WDR4: variants seen among roughly 807,000 people sequenced by gnomAD.
WDR4 encodes the protein tRNA (guanine-N(7)-)-methyltransferase non-catalytic subunit WDR4.
WDR4 carries 47 observed loss-of-function variants against 48.6 expected under a neutral mutation model. That is an observed-to-expected ratio of 0.97 (90% CI 0.77 to 1.23). The LOEUF is 1.23. Ranked by LOEUF, WDR4 falls within the 50% of genes most tolerant of loss-of-function variation. The pLI is 0.00. For synonymous variants in WDR4, 268 were observed against 230.0 expected (o/e 1.17, Z -1.49); for missense variants, 606 against 551.6 (o/e 1.10, Z -0.99).
intron 3 of WDR4, among the ~76,000 whole-genome samples, chr21:42,869,948 G>A (rs2058333164): frequency 6.6e-6 from 1 of 151,882 alleles, no homozygotes; most frequent in African/African-American, 2.4e-5. Flanking sequence ...AGGAGGCGGA[G>A]GTTGCAGTGA....
intron 2 of WDR4, among the ~76,000 whole-genome samples, chr21:42,874,295 T>G (rs2058438089): frequency 6.6e-6 from 1 of 152,248 alleles, no homozygotes; most frequent in African/African-American, 2.4e-5. Flanking sequence ...CCTATGCCTG[T>G]CTTTACTTTA....
intron 2 of WDR4, among the ~76,000 whole-genome samples, chr21:42,874,145 A>C (rs1003317813): frequency 1.3e-5 from 2 of 152,214 alleles, no homozygotes; most frequent in Non-Finnish European, 2.9e-5. Context: ...GTGGATTGTG[A>C]AGATTTCATG....
chr21:42,862,603 C>T lies in WDR4; in HGVS notation c.454-209G>A, dbSNP rs1336465647. Among the ~76,000 whole-genome samples, 1 of 152,190 alleles carries T rather than the reference C, an allele frequency of 6.6e-6. No homozygotes were observed. Among genetic ancestry groups the T allele is most frequent in the Non-Finnish European group, 1.5e-5 (1 of 68,016 alleles). On this transcript the variant is annotated intron_variant, in intron 4 of 10. Coordinates refer to ENST00000398208, the MANE Select transcript of WDR4 (RefSeq NM_018669.6). The surrounding 1 kb of genome is among the most constrained non-coding windows in gnomAD (Gnocchi z 4.3). ...CTCCCCAGAGGGTCCCTGGCCACCT[C>T]TAGCCCTCACTCCTCAGTGCTAGAG...
rs1321609845 is a variant in WDR4, at chr21:42,862,092, G to C, written c.566+190C>G. On this transcript the variant is annotated intron_variant, in intron 5 of 10. Transcript: ENST00000398208. The surrounding 1 kb of genome is among the most constrained non-coding windows in gnomAD (Gnocchi z 4.3). Reference sequence around the variant, plus strand: ...GGCACAGACTCCGGGTAACAGCGCAGAGTGAACCCCACCCTTTCAGGGCTT... The same window carrying C: ...GGCACAGACTCCGGGTAACAGCGCACAGTGAACCCCACCCTTTCAGGGCTT... 1.3e-5 allele frequency among the ~76,000 whole-genome samples: 2 copies of C among 152,202 alleles called. No individual in the cohort carries two copies. Among genetic ancestry groups the C allele is most frequent in the African/African-American group, 4.8e-5 (2 of 41,456 alleles).
chr21:42,853,370 C>A (rs1307802323), intron 9 of WDR4, among the ~76,000 whole-genome samples, 199 bp downstream of exon 9: 1 of 152,256 alleles, frequency 6.6e-6, no homozygotes, highest in Non-Finnish European at 1.5e-5. Context: ...ACAAGCCAGC[C>A]ACGCCGGCCT....
At chr21:42,855,871 C>T (rs1462055979) in intron 6 of WDR4, 91 bp from the exon 7 acceptor site, 3 of 993,806 alleles carry the variant, frequency 3.0e-6, no homozygotes, top group Non-Finnish European at 4.2e-6. Context: ...GGTCGGGGTT[C>T]CACTCCGTGA....
chr21:42,861,063 G>A (rs1205591038), intron 5 of WDR4, among the ~76,000 whole-genome samples: 1 of 152,172 alleles, frequency 6.6e-6, no homozygotes, highest in African/African-American at 2.4e-5. Flanking sequence ...TGTAATCCCA[G>A]CACTGTGGGA....
chr21:42,879,200 G>A (rs2058571941), intron 1 of WDR4: 8 of 1,333,766 alleles, frequency 6.0e-6, no homozygotes, highest in East Asian at 3.0e-5. Context: ...GGGAGCGGAC[G>A]CCGAGAGCGG....
At chr21:42,848,998 C>T (rs2057746716), downstream of WDR4, among the ~76,000 whole-genome samples, 1 of 143,090 alleles carries the variant, frequency 7.0e-6, no homozygotes, top group East Asian at 2.2e-4. Flanking sequence ...GCGTGCACCT[C>T]ACACACAGCG....
downstream of WDR4, among the ~76,000 whole-genome samples, chr21:42,845,678 AGCC>A (rs1236552090): frequency 6.6e-5 from 10 of 152,364 alleles, no homozygotes; most frequent in Non-Finnish European, 1.0e-4. Context: ...GAGCCGCCAC[AGCC>A]GCAAACACTA....
rs200170859 is a variant in WDR4, at chr21:42,867,244, A to T, written c.297-3648T>A. Among the ~76,000 whole-genome samples the T allele has an allele frequency of 6.6e-5, 10 of 152,222 alleles. No homozygotes were observed. In the East Asian group the frequency reaches 1.9e-3, roughly 29 times the overall value. Reference sequence around the variant, plus strand: ...CATCTCTACTAAAAATATAAAAATTAGTCAGGCGTGGTGGCTCATTCCTAT... The same window carrying T: ...CATCTCTACTAAAAATATAAAAATTTGTCAGGCGTGGTGGCTCATTCCTAT... On this transcript the variant is annotated intron_variant, in intron 3 of 10. Transcript: ENST00000398208.
intron 6 of WDR4, among the ~76,000 whole-genome samples, 182 bp from the exon 7 acceptor site, chr21:42,855,962 C>T (rs989379096): frequency 3.9e-5 from 6 of 152,196 alleles, no homozygotes; most frequent in African/African-American, 1.2e-4. Context: ...TCAAGGACAA[C>T]GGTGGGGAAC....
In WDR4 at chr21:42,863,593, G is replaced by T. The variant is rs61729418; in HGVS notation, c.300C>A (p.Thr100=). ...TCAGGGCTGTACACCTCCTTGCCACGGTCCTAGAAGGCCAGAAAGACACCC... is the reference window on the plus strand; with the variant it reads ...TCAGGGCTGTACACCTCCTTGCCACTGTCCTAGAAGGCCAGAAAGACACCC... ...TKPWQCLSVR[T]VARRCTALTF... The change falls in exon 4 of 11, where the codon ACC becomes ACA. Residue 100 remains threonine (T), a synonymous_variant. Transcript: ENST00000398208. 1.1e-5 allele frequency: 18 copies of T among 1,611,780 alleles called. No homozygotes were observed. The highest frequency in any genetic ancestry group is 1.4e-5 in the Non-Finnish European group (16 of 1,178,752).
intron 10 of WDR4, among the ~76,000 whole-genome samples, chr21:42,851,302 G>A (rs1158430990): frequency 2.0e-5 from 3 of 152,178 alleles, no homozygotes; most frequent in Non-Finnish European, 4.4e-5. Flanking sequence ...AACCACGCTG[G>A]GGGGCCCAAC....
chr21:42,876,228 T>TTTTTTTTTTTTTTTTTGG (rs1207244313), intron 2 of WDR4, among the ~76,000 whole-genome samples: 1 of 148,224 alleles, frequency 6.7e-6, no homozygotes, highest in African/African-American at 2.5e-5. Flanking sequence ...CTTTTTTTTT[T>TTTTTTTTTTTTTTTTTGG]TGGGAGACAG....
downstream of WDR4, among the ~76,000 whole-genome samples, chr21:42,846,004 CACCT>C (rs2057708435): frequency 6.6e-6 from 1 of 152,096 alleles, no homozygotes; most frequent in Non-Finnish European, 1.5e-5. Flanking sequence ...CGCAGGCACA[CACCT>C]GCAGTCCCAG....
chr21:42,879,467 C>A lies in WDR4; in HGVS notation c.29G>T (p.Cys10Phe). 1.9e-6 allele frequency: 3 copies of A among 1,613,700 alleles called. No homozygotes were observed. The highest frequency in any genetic ancestry group is 2.5e-6 in the Non-Finnish European group (3 of 1,179,898). The change falls in exon 1 of 11, where the codon TGC (cysteine) becomes TTC (phenylalanine). Residue 10 changes from cysteine (C) to phenylalanine (F), a missense_variant. Physicochemically the swap from Cys to Phe is radical, Grantham distance 205. Transcript: ENST00000398208. The stretch of plus-strand genomic sequence containing the variant: ...GCCCCGCACCACCAACGTCTGCCCG[C>A]ACAACGCCAGTCCCACAGAGCCCGC... Reference protein sequence around the residue: MAGSVGLALCGQTLVVRGGS... With the variant: MAGSVGLALFGQTLVVRGGS...
rs569003654 is a variant in WDR4 at position 42,862,444 on chromosome 21, C to T, written c.454-50G>A. The T allele has an allele frequency of 6.0e-6, 9 of 1,500,136 alleles. No homozygotes were observed. The highest frequency in any genetic ancestry group is 2.4e-5 in the East Asian group (1 of 40,986). The allele number at this position is 1,500,136 out of a possible 1,614,324, so 92.9% of individuals were successfully genotyped here. A position where few individuals can be genotyped will look rare whatever the true frequency, so the allele number is the denominator to read the frequency against. ...AAAAAGCCGCTCACCTGAGTCTTCC[C>T]GAATCAAGTCCCTCATGGAAGAAGG... On this transcript the variant is annotated intron_variant, in intron 4 of 10. Transcript: ENST00000398208. This position sits in a 1 kb window ranked among gnomAD's most constrained non-coding sequence, Gnocchi z 4.3.
rs925241616 is a variant in WDR4, at chr21:42,854,613, G to C, written c.740C>G (p.Ser247Cys). ...DPQAPQKFAA[S>C]RIAFWCQENC... ...CTCCTGGCACCAGAATGCAATCCTG[G>C]ACGCGGCAAACTTCTAAAAGGAGAA... The change falls in exon 8 of 11, where the codon TCC becomes TGC. Residue 247 changes from serine (S) to cysteine (C), a missense_variant. Physicochemically the swap from Ser to Cys is moderately radical, Grantham distance 112. Transcript: ENST00000398208. 1 of 1,613,744 alleles carries C rather than the reference G, an allele frequency of 6.2e-7. No individual in the cohort carries two copies. Among genetic ancestry groups the C allele is most frequent in the Admixed American group, 1.7e-5 (1 of 59,952 alleles).
Sources: gnomAD v4.1 joint callset for allele counts (sites outside exome capture counted in the v4.1 genomes callset) on GRCh38, gnomAD v4.1.1 for gene constraint, Gnocchi (gnomAD v3.1) non-coding constraint, MANE v1.5 for transcripts, NCBI Gene and HGNC (gene_info 2026-07-23, HGNC 2026-07-21) for gene names.